Variants in UNC5D observed in about 807,000 individuals in gnomAD.
UNC5D encodes unc-5 netrin receptor D, also known as netrin receptor UNC5D.
In UNC5D, 39 loss-of-function variants were observed where a neutral mutation model predicts 105.4. The ratio of observed to expected loss-of-function variants is 0.37; its 90% CI spans 0.29 to 0.48. The LOEUF is 0.48. UNC5D is among the 20% of genes least tolerant of loss of function. The probability of loss-of-function intolerance (pLI) is 0.98; values close to 1 mark genes in which losing one functional copy is unlikely to be tolerated. For synonymous variants in UNC5D, 452 were observed against 450.4 expected, an observed-to-expected ratio of 1.00 and a Z score of -0.04; for missense variants, 991 against 1,202.4, an observed-to-expected ratio of 0.82 and a Z score of 2.60.
intron 11 of UNC5D, 117 bp downstream of exon 11, chr8:35,731,213 A>T: frequency 1.1e-6 from 1 of 901,386 alleles, no homozygotes; most frequent in Admixed American, 2.2e-5. Context: ...AGCCTGGCCA[A>T]CATGGCGAAA....
intron 7 of UNC5D, among the ~76,000 whole-genome samples, chr8:35,693,036 G>GC (rs1826515280): frequency 6.6e-6 from 1 of 152,088 alleles, no homozygotes; most frequent in South Asian, 2.1e-4. Context: ...TCTCCCCCAT[G>GC]CCCCAAATAA....
intron 1 of UNC5D, among the ~76,000 whole-genome samples, chr8:35,249,040 AT>A: frequency 9.8e-6 from 1 of 102,552 alleles, no homozygotes; most frequent in African/African-American, 4.0e-5. Flanking sequence ...TATAATATAT[AT>A]TATATAAAAA....
At chr8:35,788,448 C>A (rs936453335) in intron 16 of UNC5D, among the ~76,000 whole-genome samples, 4 of 152,094 alleles carry the variant, frequency 2.6e-5, no homozygotes, top group Admixed American at 2.0e-4. Flanking sequence ...AGAACAGTGA[C>A]CTGTAATCTT....
At chr8:35,731,246 A>T in intron 11 of UNC5D, 150 bp downstream of exon 11, 1 of 646,352 alleles carries the variant, frequency 1.5e-6, no homozygotes, top group Non-Finnish European at 2.6e-6. Flanking sequence ...TAAAAATACA[A>T]AAAAATTAGC....
intron 4 of UNC5D, among the ~76,000 whole-genome samples, chr8:35,608,195 G>A (rs1033884518): frequency 3.9e-5 from 6 of 152,148 alleles, no homozygotes; most frequent in Admixed American, 2.0e-4. Flanking sequence ...TTTTAAAAAT[G>A]TATATGCTTT....
chr8:35,414,429 C>T (rs1805400374), intron 1 of UNC5D, among the ~76,000 whole-genome samples: 1 of 152,088 alleles, frequency 6.6e-6, no homozygotes, highest in Admixed American at 6.6e-5. Context: ...ACTTTTCTTA[C>T]AGCTGCTCTT....
At chr8:35,764,797 T>C (rs547776789) in intron 14 of UNC5D, among the ~76,000 whole-genome samples, 4 of 152,296 alleles carry the variant, frequency 2.6e-5, no homozygotes, top group African/African-American at 9.6e-5. Context: ...CTTCCAGCAT[T>C]TTCCCCAGAC....
intron 1 of UNC5D, among the ~76,000 whole-genome samples, chr8:35,404,972 G>A (rs192475912): frequency 3.3e-5 from 5 of 152,090 alleles, no homozygotes; most frequent in South Asian, 4.1e-4. Flanking sequence ...TAAGTTAGAC[G>A]CTATACTTCA....
chr8:35,773,985 A>G (rs1284685690), intron 15 of UNC5D, among the ~76,000 whole-genome samples: 1 of 152,150 alleles, frequency 6.6e-6, no homozygotes, highest in Non-Finnish European at 1.5e-5. Flanking sequence ...CAGCCTTCCA[A>G]AGTGCTGGGA....
chr8:35,509,534 A>G, intron 1 of UNC5D, among the ~76,000 whole-genome samples: 1 of 548 alleles, frequency 1.8e-3, no homozygotes, highest in South Asian at 0.056. Flanking sequence ...TTTCTTTCTG[A>G]GACCCTGGGC....
intron 1 of UNC5D, among the ~76,000 whole-genome samples, chr8:35,476,686 T>C (rs1810123745): frequency 6.6e-6 from 1 of 152,216 alleles, no homozygotes; most frequent in Non-Finnish European, 1.5e-5. Context: ...GAAAGGCTAC[T>C]GTCCTAGATT....
At chr8:35,338,768 C>G (rs1811240613) in intron 1 of UNC5D, among the ~76,000 whole-genome samples, 1 of 152,154 alleles carries the variant, frequency 6.6e-6, no homozygotes, top group Non-Finnish European at 1.5e-5. Context: ...CCTTCTGCCT[C>G]AGTCTATGTT....
At chr8:35,789,748 GAAC>G (rs1218806475) in intron 16 of UNC5D, among the ~76,000 whole-genome samples, 1 of 152,048 alleles carries the variant, frequency 6.6e-6, no homozygotes, top group Non-Finnish European at 1.5e-5. Flanking sequence ...AGGAAGGAAA[GAAC>G]AACAAGAAAT....
chr8:35,295,000 C>T (rs920687556), intron 1 of UNC5D, among the ~76,000 whole-genome samples: 6 of 152,136 alleles, frequency 3.9e-5, no homozygotes, highest in African/African-American at 7.2e-5. Context: ...AGATGAACTG[C>T]TCACACAAAG....
intron 1 of UNC5D, among the ~76,000 whole-genome samples, chr8:35,275,189 C>A (rs1254990593): frequency 1.3e-5 from 2 of 151,722 alleles, no homozygotes; most frequent in African/African-American, 4.8e-5. Context: ...CACTCTTCCC[C>A]TTTCACTTGC....
chr8:35,587,272 T>C (rs1818848604), intron 3 of UNC5D, among the ~76,000 whole-genome samples: 1 of 150,906 alleles, frequency 6.6e-6, no homozygotes, highest in African/African-American at 2.5e-5. Context: ...TGCTGATGAT[T>C]GTACCATTCA....
intron 4 of UNC5D, among the ~76,000 whole-genome samples, chr8:35,635,539 C>T (rs562761039): frequency 6.6e-6 from 1 of 152,166 alleles, no homozygotes; most frequent in East Asian, 1.9e-4. Flanking sequence ...GCTTGGAAAA[C>T]ATGATAATGC....
In UNC5D at chr8:35,434,795, C is replaced by T. The variant is rs146785337; in HGVS notation, c.104-114497C>T. 2.7e-3 allele frequency among the ~76,000 whole-genome samples: 412 copies of T among 152,160 alleles called. 1 individual carries two copies. Among genetic ancestry groups the T allele is most frequent in the African/African-American group, 9.1e-3 (379 of 41,542 alleles). ...GATAGTTCTTTCCTAGATCAAATTG[C>T]ATTAAAAGCAAACAAAAAGTGTACA... On this transcript the variant is annotated intron_variant, in intron 1 of 16. Coordinates refer to ENST00000404895, the MANE Select transcript of UNC5D (RefSeq NM_080872.4).
rs868560243 is a variant in UNC5D at position 35,750,706 on chromosome 8, C to T, written c.2060C>T (p.Ala687Val). ...ALTGEPITDC[A>V]VKQLKVAVFG... ...ACTGGAGAGCCAATCACAGACTGTG[C>T]CGTGAAGCAACTGAAGGTGGCGGTT... The change falls in exon 13 of 17, where the codon GCC becomes GTC. Residue 687 changes from alanine (A) to valine (V), a missense_variant. By Grantham distance (64) the Ala-to-Val change is moderately conservative. Transcript: ENST00000404895. 1.2e-6 allele frequency: 2 copies of T among 1,614,126 alleles called. No homozygotes were observed. Among genetic ancestry groups the T allele is most frequent in the Non-Finnish European group, 1.7e-6 (2 of 1,180,026 alleles).
Sources: allele counts gnomAD v4.1 joint callset (sites outside exome capture counted in the v4.1 genomes callset), GRCh38; gene constraint gnomAD v4.1.1; transcripts MANE v1.5; gene names NCBI Gene and HGNC (gene_info 2026-07-23, HGNC 2026-07-21).